Variants in SLC7A1 observed in about 807,000 individuals in gnomAD.
The protein encoded by SLC7A1 is high affinity cationic amino acid transporter 1.
SLC7A1 carries 10 observed loss-of-function variants against 53.9 expected under a neutral mutation model. That is an observed-to-expected ratio of 0.19 (90% confidence interval 0.11 to 0.31). SLC7A1 has a LOEUF of 0.31. Ranked by LOEUF, SLC7A1 falls within the 10% of genes least tolerant of loss-of-function variation. SLC7A1 has a pLI of 1.00. For synonymous variants in SLC7A1, 342 were observed against 338.7 expected (o/e 1.01, Z -0.11); for missense variants, 525 against 827.2 (o/e 0.63, Z 4.48).
At position 29,580,657 on chromosome 13, in the gene SLC7A1, G is replaced by C. The variant is rs528269900; in HGVS notation, c.-115+14759C>G. 3.3e-5 allele frequency among the ~76,000 whole-genome samples: 5 copies of C among 152,306 alleles called. No homozygotes were observed. The South Asian group carries it at 1.0e-3, about 32-fold the overall frequency. ...AAGGTGATGAGTGCTATAAAGCAGA[G>C]AGACTATTCCTGGGCCCAACTGCGA... On this transcript the variant is annotated intron_variant, in intron 1 of 12. Coordinates refer to ENST00000380752, the MANE Select transcript of SLC7A1 (RefSeq NM_003045.5).
intron 1 of SLC7A1, among the ~76,000 whole-genome samples, chr13:29,559,994 C>T (rs997485324): frequency 2.6e-5 from 4 of 152,118 alleles, no homozygotes; most frequent in African/African-American, 7.2e-5. Context: ...GGATTACAGG[C>T]GTGAGCCATT....
At chr13:29,541,319 G>C (rs935960000) in intron 2 of SLC7A1, among the ~76,000 whole-genome samples, 13 of 152,220 alleles carry the variant, frequency 8.5e-5, no homozygotes, top group African/African-American at 3.1e-4. Context: ...ACACGGTCTT[G>C]AGAAGGAGCA....
chr13:29,592,621 T>C (rs1872156568), intron 1 of SLC7A1, among the ~76,000 whole-genome samples: 1 of 152,138 alleles, frequency 6.6e-6, no homozygotes. Context: ...CAAGGCTGCT[T>C]TGTAGATGGG....
intron 5 of SLC7A1, among the ~76,000 whole-genome samples, chr13:29,526,085 C>A (rs1340164306): frequency 6.6e-6 from 1 of 152,216 alleles, no homozygotes; most frequent in Non-Finnish European, 1.5e-5. Flanking sequence ...AAAATGGCTT[C>A]TGTGGGCCCC....
At chr13:29,539,190 A>C (rs917724775) in intron 2 of SLC7A1, among the ~76,000 whole-genome samples, 1 of 152,164 alleles carries the variant, frequency 6.6e-6, no homozygotes, top group African/African-American at 2.4e-5. Flanking sequence ...CTTTCTCAAA[A>C]ACGTGCTGTT....
At chr13:29,561,835 G>T (rs899413964) in intron 1 of SLC7A1, among the ~76,000 whole-genome samples, 1 of 152,128 alleles carries the variant, frequency 6.6e-6, no homozygotes, top group African/African-American at 2.4e-5. Context: ...CTGCATCAAT[G>T]GCTGACCATC....
intron 1 of SLC7A1, among the ~76,000 whole-genome samples, chr13:29,582,861 C>T (rs972925560): frequency 6.6e-6 from 1 of 152,182 alleles, no homozygotes; most frequent in Non-Finnish European, 1.5e-5. Flanking sequence ...ATCCTTACTG[C>T]CCACTCCTAC....
At chr13:29,572,908 G>A (rs899361480) in intron 1 of SLC7A1, among the ~76,000 whole-genome samples, 4 of 152,166 alleles carry the variant, frequency 2.6e-5, no homozygotes, top group African/African-American at 9.7e-5. Context: ...TTTGATGGAG[G>A]AAAACTCCAC....
intron 1 of SLC7A1, among the ~76,000 whole-genome samples, chr13:29,578,003 A>T (rs9579410): frequency 0.066 from 9,977 of 152,146 alleles, 407 homozygotes; most frequent in Middle Eastern, 0.16. Context: ...AAACATTTGC[A>T]AGTTCTGAGA....
intron 5 of SLC7A1, among the ~76,000 whole-genome samples, chr13:29,526,163 T>C (rs1868877893): frequency 6.6e-6 from 1 of 152,096 alleles, no homozygotes; most frequent in Non-Finnish European, 1.5e-5. Flanking sequence ...CCCACTCAGC[T>C]CCTATGACAT....
At chr13:29,564,278 A>G (rs1251125071) in intron 1 of SLC7A1, among the ~76,000 whole-genome samples, 1 of 152,148 alleles carries the variant, frequency 6.6e-6, no homozygotes, top group Non-Finnish European at 1.5e-5. Flanking sequence ...CAATAATAAT[A>G]ACAAAGGCTA....
rs369670639 is a variant in SLC7A1 at position 29,519,433 on chromosome 13, A to G, written c.1292+14T>C. On this transcript the variant is annotated intron_variant, in intron 9 of 12. Transcript: ENST00000380752. ...CTGCATTTCTGTCATGAGACCCCCAAAAGCCATACATACCGTAAGACCAAC... is the reference window on the plus strand; with the variant it reads ...CTGCATTTCTGTCATGAGACCCCCAGAAGCCATACATACCGTAAGACCAAC... The G allele has an allele frequency of 1.3e-6, 2 of 1,534,318 alleles. No individual in the cohort carries two copies. Among genetic ancestry groups the G allele is most frequent in the African/African-American group, 1.4e-5 (1 of 73,230 alleles).
In SLC7A1 at chr13:29,545,031, A is replaced by G. The variant is rs971473409; in HGVS notation, c.-15+8730T>C. 3.9e-4 allele frequency among the ~76,000 whole-genome samples: 60 copies of G among 152,088 alleles called. 1 individual carries two copies. The highest frequency in any genetic ancestry group is 1.4e-3 in the African/African-American group (56 of 41,408). On this transcript the variant is annotated intron_variant, in intron 2 of 12. Transcript: ENST00000380752. ...CACACGCAGCAGTCAGTAATCACCA[A>G]TGACCTGAAATTCAGGAAGCTAATA... is the stretch of plus-strand genomic sequence containing the variant.
Position 29,524,207 on chromosome 13 carries a change from C to G in SLC7A1, c.751G>C (p.Gly251Arg). ...GCCCCCGACAGGACACCAGAGAACC[C>G]GAAGGGCATGAATCCACCAACACCG... ...KPGVGGFMPF[G>R]FSGVLSGAAT... Residue 251 changes from glycine (G) to arginine (R), a missense_variant, in exon 6 of 13, where the codon GGG (glycine) becomes CGG (arginine). By Grantham distance (125) the Gly-to-Arg change is moderately radical (BLOSUM62 -2). Around this residue, in one of 4 missense-constraint regions of SLC7A1, gnomAD observed 354 missense variants for 587.5 expected, o/e 0.60. Transcript: ENST00000380752. 6.2e-7 allele frequency: 1 copy of G among 1,614,106 alleles called. No homozygotes were observed. Among genetic ancestry groups the G allele is most frequent in the Non-Finnish European group, 8.5e-7 (1 of 1,179,990 alleles).
chr13:29,567,662 G>T (rs1456049447), intron 1 of SLC7A1, among the ~76,000 whole-genome samples: 1 of 152,180 alleles, frequency 6.6e-6, no homozygotes, highest in Non-Finnish European at 1.5e-5. Flanking sequence ...CTGCAGGCGG[G>T]CATCCCTCCC....
At chr13:29,537,873 G>C (rs1390875144) in intron 2 of SLC7A1, among the ~76,000 whole-genome samples, 1 of 152,188 alleles carries the variant, frequency 6.6e-6, no homozygotes, top group African/African-American at 2.4e-5. Context: ...AACAAGTCTA[G>C]AAAAGTCCGT....
At chr13:29,539,818 G>C (rs940879424) in intron 2 of SLC7A1, among the ~76,000 whole-genome samples, 4 of 152,188 alleles carry the variant, frequency 2.6e-5, no homozygotes, top group African/African-American at 9.7e-5. Context: ...TCCTTTGGAA[G>C]ACACTGGAAC....
chr13:29,577,942 G>A (rs1871478534), intron 1 of SLC7A1, among the ~76,000 whole-genome samples: 1 of 152,128 alleles, frequency 6.6e-6, no homozygotes, highest in South Asian at 2.1e-4. Context: ...CTCTGCTTGG[G>A]TCAGTTTGTC....
At chr13:29,547,381 C>T (rs188786232) in intron 2 of SLC7A1, among the ~76,000 whole-genome samples, 69 of 151,974 alleles carry the variant, frequency 4.5e-4, no homozygotes, top group Middle Eastern at 6.8e-3. Flanking sequence ...ACCGGGGCTT[C>T]GGCGGAAAGT....
Sources: allele counts gnomAD v4.1 joint callset (sites outside exome capture counted in the v4.1 genomes callset), GRCh38; gene constraint gnomAD v4.1.1; regional missense constraint gnomAD v4.1.1; transcripts MANE v1.5; gene names NCBI Gene and HGNC (gene_info 2026-07-23, HGNC 2026-07-21).